Variants in KIAA1217 observed in about 807,000 individuals in gnomAD.
KIAA1217 encodes KIAA1217, also known as sickle tail protein homolog.
Under a neutral mutation model 163.9 loss-of-function variants are expected in KIAA1217, and 88 were observed. The observed-to-expected ratio is 0.54, with a 90% CI of 0.45 to 0.64. KIAA1217 has a LOEUF of 0.64. KIAA1217 is among the 30% of genes least tolerant of loss of function. KIAA1217 has a pLI of 0.00. For synonymous variants in KIAA1217, 903 were observed against 923.1 expected (o/e 0.98, Z 0.39); for missense variants, 2,372 against 2,475.0 (o/e 0.96, Z 0.88).
chr10:24,170,829 G>A (rs1375925195), intron 2 of KIAA1217, among the ~76,000 whole-genome samples: 2 of 152,224 alleles, frequency 1.3e-5, no homozygotes, highest in East Asian at 1.9e-4. Context: ...GTAGCTGTGA[G>A]ATATCCTCCC....
At chr10:24,187,897 A>G (rs1486290037) in intron 2 of KIAA1217, among the ~76,000 whole-genome samples, 2 of 151,700 alleles carry the variant, frequency 1.3e-5, no homozygotes, top group African/African-American at 2.4e-5. Flanking sequence ...TCTCAAAAAA[A>G]AAAAGATAAA....
intron 1 of KIAA1217, among the ~76,000 whole-genome samples, chr10:23,934,761 G>A (rs1843450802): frequency 6.7e-6 from 1 of 149,798 alleles, no homozygotes; most frequent in Non-Finnish European, 1.5e-5. Flanking sequence ...GGGACTACAG[G>A]CACCCGCCAC....
chr10:24,006,846 T>G lies in KIAA1217; in HGVS notation c.-320-379T>G, dbSNP rs535191091. On this transcript the variant is annotated intron_variant, in intron 1 of 18. Transcript: ENST00000376462. ...TCATCCTTAATAAAGGGATTAGAGA[T>G]GCGAGTCTGCAATGGTTCAGCTTTT... is the stretch of plus-strand genomic sequence containing the variant. Among the ~76,000 whole-genome samples the G allele has an allele frequency of 2.6e-5, 4 of 152,330 alleles. No individual in the cohort carries two copies. In the South Asian group the frequency reaches 6.2e-4, roughly 24 times the overall value.
intron 1 of KIAA1217, among the ~76,000 whole-genome samples, chr10:23,737,387 G>A (rs1309341689): frequency 2.0e-5 from 3 of 151,206 alleles, no homozygotes; most frequent in Non-Finnish European, 4.4e-5. Flanking sequence ...TAGAGACGGG[G>A]TTTCACCATA....
At chr10:24,318,356 G>A (rs976465227) in intron 2 of KIAA1217, among the ~76,000 whole-genome samples, 1 of 152,118 alleles carries the variant, frequency 6.6e-6, no homozygotes, top group Non-Finnish European at 1.5e-5. Context: ...CATTCAATAA[G>A]TTGAAGGCCA....
intron 1 of KIAA1217, among the ~76,000 whole-genome samples, chr10:23,864,689 A>G (rs1001422081): frequency 1.3e-5 from 2 of 152,100 alleles, no homozygotes; most frequent in African/African-American, 2.4e-5. Flanking sequence ...ATATGCATGT[A>G]TTAGTCAGGG....
chr10:24,043,967 A>G (rs923308019), intron 2 of KIAA1217, among the ~76,000 whole-genome samples: 8 of 152,134 alleles, frequency 5.3e-5, no homozygotes, highest in Admixed American at 5.2e-4. Flanking sequence ...CAATATAAAT[A>G]AGACATATTT....
intron 1 of KIAA1217, among the ~76,000 whole-genome samples, chr10:23,926,206 C>G (rs1032252234): frequency 6.6e-6 from 1 of 152,084 alleles, no homozygotes. Context: ...CACCCAGGGC[C>G]GGGATGGGTG....
intron 2 of KIAA1217, among the ~76,000 whole-genome samples, chr10:24,345,305 A>G (rs2047592390): frequency 1.3e-5 from 2 of 152,184 alleles, no homozygotes; most frequent in Admixed American, 1.3e-4. Context: ...TGGAGCACAG[A>G]GCTGCCCACT....
intron 2 of KIAA1217, among the ~76,000 whole-genome samples, chr10:24,283,796 C>T (rs1315658313): frequency 6.6e-6 from 1 of 152,138 alleles, no homozygotes; most frequent in African/African-American, 2.4e-5. Flanking sequence ...TTGATATTAT[C>T]ATTTTCTGGA....
chr10:24,184,538 G>A (rs572922883), intron 2 of KIAA1217, among the ~76,000 whole-genome samples: 1 of 152,242 alleles, frequency 6.6e-6, no homozygotes, highest in Admixed American at 6.5e-5. Context: ...CACAGACTAA[G>A]CACCTTCAAA....
chr10:24,403,341 C>T (rs1229366431), intron 3 of KIAA1217, among the ~76,000 whole-genome samples: 1 of 152,140 alleles, frequency 6.6e-6, no homozygotes. Flanking sequence ...CGGGTTCGAG[C>T]AATTCTTCTG....
At chr10:24,446,619 A>G (rs1050952788) in intron 5 of KIAA1217, among the ~76,000 whole-genome samples, 4 of 152,164 alleles carry the variant, frequency 2.6e-5, no homozygotes, top group African/African-American at 7.2e-5. Flanking sequence ...CTATTTAGAG[A>G]TCGTTTTTGA....
At chr10:23,823,555 C>T (rs1166828025) in intron 1 of KIAA1217, among the ~76,000 whole-genome samples, 1 of 152,150 alleles carries the variant, frequency 6.6e-6, no homozygotes, top group Non-Finnish European at 1.5e-5. Flanking sequence ...ACTTTAATGA[C>T]ATCTGCAAAG....
chr10:23,845,271 C>T (rs1838970221), intron 1 of KIAA1217, among the ~76,000 whole-genome samples: 1 of 152,140 alleles, frequency 6.6e-6, no homozygotes, highest in Non-Finnish European at 1.5e-5. Flanking sequence ...ATTGCTGGGT[C>T]AAATGGTATT....
chr10:24,413,962 C>T (rs1456879528), intron 3 of KIAA1217, among the ~76,000 whole-genome samples: 4 of 152,164 alleles, frequency 2.6e-5, no homozygotes, highest in African/African-American at 4.8e-5. Flanking sequence ...CTGAGCTTAC[C>T]ATCGTATCCC....
intron 2 of KIAA1217, among the ~76,000 whole-genome samples, chr10:24,010,335 T>A (rs934653800): frequency 6.6e-6 from 1 of 152,156 alleles, no homozygotes; most frequent in Non-Finnish European, 1.5e-5. Context: ...ATTAAGATGA[T>A]TGGAAAACTA....
rs545125283 is a variant in KIAA1217, at chr10:24,458,606, C to T, written c.847-14622C>T. Among the ~76,000 whole-genome samples, 3 of 152,256 alleles carry T rather than the reference C, an allele frequency of 2.0e-5. No homozygotes were observed. The South Asian group carries it at 6.2e-4, about 32-fold the overall frequency. On this transcript the variant is annotated intron_variant, in intron 5 of 20. Transcript: ENST00000376454. ...ACTTCATAGATCCTGGCCCTGTTAT[C>T]TGACTTCAGGTAAGATATTTGAAGT...
chr10:24,376,728 C>G (rs893194359), intron 2 of KIAA1217, among the ~76,000 whole-genome samples: 2 of 152,124 alleles, frequency 1.3e-5, no homozygotes, highest in South Asian at 4.1e-4. Context: ...TACCACTGCA[C>G]TCCAGCCTGG....
Sources: gnomAD v4.1 joint callset for allele counts (sites outside exome capture counted in the v4.1 genomes callset) on GRCh38, gnomAD v4.1.1 for gene constraint, MANE v1.5 for transcripts, NCBI Gene and HGNC (gene_info 2026-07-23, HGNC 2026-07-21) for gene names.